Variants in UBR4 observed in about 807,000 individuals in gnomAD.
UBR4 encodes the protein E3 ubiquitin-protein ligase UBR4.
UBR4 carries 124 observed loss-of-function variants against 575.6 expected under a neutral mutation model. The ratio of observed to expected loss-of-function variants is 0.22; its 90% confidence interval spans 0.19 to 0.25. The LOEUF (loss-of-function observed/expected upper bound fraction) is 0.25. Ranked by LOEUF, UBR4 falls within the 10% of genes least tolerant of loss-of-function variation. The probability of loss-of-function intolerance (pLI) is 1.00; values close to 1 mark genes in which losing one functional copy is unlikely to be tolerated. For synonymous variants in UBR4, 2,455 were observed against 2,473.7 expected, an observed-to-expected ratio of 0.99 and a Z score of 0.22; for missense variants, 4,818 against 6,478.8, an observed-to-expected ratio of 0.74 and a Z score of 8.80.
chr1:19,118,801 T>C, intron 71 of UBR4, 71 bp downstream of exon 71: 2 of 1,493,244 alleles, frequency 1.3e-6, no homozygotes, highest in Non-Finnish European at 1.9e-6. Context: ...TGTAAGAGCC[T>C]ATCACCATGC....
Position 19,128,368 on chromosome 1 carries a change from G to A in UBR4, c.9004-50C>T, listed in dbSNP as rs777374098. The A allele has an allele frequency of 6.0e-6, 9 of 1,501,410 alleles. No homozygotes were observed. The Admixed American group carries it at 6.8e-5, about 11-fold the overall frequency. 93.0% of individuals were successfully genotyped at this position (1,501,410 alleles called of 1,614,324 possible). ...AAAACCCAATTTCCTAAAGAAGAAC[G>A]ACTTGAAATACGGGGTGTTTCAGAA... On this transcript the variant is annotated intron_variant, in intron 61 of 105. Coordinates refer to ENST00000375254, the MANE Select transcript of UBR4 (RefSeq NM_020765.3).
rs1423262064 is a variant in UBR4, at chr1:19,105,205, A to G, written c.12504-16T>C. The G allele has an allele frequency of 6.2e-7, 1 of 1,608,070 alleles. No individual in the cohort carries two copies. The highest frequency in any genetic ancestry group is 1.3e-5 in the African/African-American group (1 of 74,320). ...ATCCAGGTAACTGCCACCAAGAGGG[A>G]CAGGGCACTCTAGTCAAGAACTCTA... is the stretch of plus-strand genomic sequence containing the variant. On this transcript the variant is annotated splice_polypyrimidine_tract_variant and intron_variant, in intron 84 of 105. Transcript: ENST00000375254.
intron 1 of UBR4, among the ~76,000 whole-genome samples, chr1:19,207,909 CAAT>C (rs1293230242): frequency 6.6e-6 from 1 of 152,188 alleles, no homozygotes; most frequent in Admixed American, 6.5e-5. Context: ...TGCTTTCACA[CAAT>C]GATGGCAGAG....
At chr1:19,135,490 T>C (rs982398791) in intron 60 of UBR4, among the ~76,000 whole-genome samples, 1 of 152,248 alleles carries the variant, frequency 6.6e-6, no homozygotes, top group African/African-American at 2.4e-5. Flanking sequence ...ACAATTATCT[T>C]CACAATGAGT....
In UBR4 at chr1:19,170,752, G is replaced by T. The variant is rs756288090; in HGVS notation, c.3643+10C>A. The stretch of plus-strand genomic sequence containing the variant: ...AATAATATTACTCAAAAGCACATTT[G>T]TTCTCTTACCCAGAGTATTTGCCTT... On this transcript the variant is annotated intron_variant, in intron 26 of 105. Coordinates refer to ENST00000375254, the MANE Select transcript of UBR4 (RefSeq NM_020765.3). The T allele has an allele frequency of 1.0e-4, 166 of 1,614,030 alleles. No homozygotes were observed. The highest frequency in any genetic ancestry group is 3.7e-5 in the Non-Finnish European group (44 of 1,180,018).
chr1:19,165,412 C>T, intron 30 of UBR4, 63 bp from the exon 31 acceptor site: 2 of 1,402,976 alleles, frequency 1.4e-6, no homozygotes, highest in Middle Eastern at 1.8e-4. Flanking sequence ...AAAAAGCATC[C>T]TTTCTTCACA....
At chr1:19,167,656 T>C (rs749250639) in intron 28 of UBR4, among the ~76,000 whole-genome samples, 25 of 152,192 alleles carry the variant, frequency 1.6e-4, no homozygotes, top group Non-Finnish European at 3.1e-4. Context: ...CAATAGTCCC[T>C]CCATTGGCCT....
intron 1 of UBR4, among the ~76,000 whole-genome samples, chr1:19,208,940 T>G (rs186838943): frequency 6.4e-4 from 97 of 152,342 alleles, no homozygotes; most frequent in Non-Finnish European, 1.2e-3. Flanking sequence ...GTTTACATCT[T>G]CAGAACATTC....
At position 19,148,678 on chromosome 1, in the gene UBR4, C is replaced by T. The variant is rs755339199; in HGVS notation, c.7431-52G>A. The T allele has an allele frequency of 2.0e-5, 32 of 1,601,454 alleles. No individual in the cohort carries two copies. The East Asian group carries it at 5.1e-4, about 26-fold the overall frequency. ...GTACAACACCGTTCTCTCCGCCTTG[C>T]GCTTTAGCCTAAGCAAACTATAGTC... On this transcript the variant is annotated intron_variant, in intron 49 of 105. Coordinates refer to ENST00000375254, the MANE Select transcript of UBR4 (RefSeq NM_020765.3).
Position 19,114,847 on chromosome 1 carries a change from T to G in UBR4, c.11166A>C (p.Ala3722=), listed in dbSNP as rs762051769. ...DFMLYAKPCC[A]VDPIENEEDR... ...CTTCTTCATTCTCAATGGGATCCAC[T>G]GCACAGCAAGGCTTGGCATAGAGCA... Residue 3722 remains alanine, a synonymous_variant, in exon 75 of 106, where the codon GCA becomes GCC. Transcript: ENST00000375254. 6.2e-7 allele frequency: 1 copy of G among 1,614,214 alleles called. No homozygotes were observed. Among genetic ancestry groups the G allele is most frequent in the Admixed American group, 1.7e-5 (1 of 60,024 alleles).
intron 14 of UBR4, among the ~76,000 whole-genome samples, chr1:19,185,605 G>T (rs539188467): frequency 7.3e-6 from 1 of 136,882 alleles, no homozygotes; most frequent in Admixed American, 8.2e-5. Context: ...AGGGAGTCTC[G>T]CTCTGTCACC....
chr1:19,139,281 A>C lies in UBR4; in HGVS notation c.8594-61T>G, dbSNP rs764199989. On this transcript the variant is annotated intron_variant, in intron 58 of 105. Transcript: ENST00000375254. The surrounding 1 kb of genome is among the most constrained non-coding windows in gnomAD (Gnocchi z 4.2). ...ACAAACAAACAAACAAACAAACAAA[A>C]AACAAAAAAAACCCCTCCTTGGGAT... The C allele has an allele frequency of 2.0e-4, 308 of 1,528,640 alleles. No individual in the cohort carries two copies. Among genetic ancestry groups the C allele is most frequent in the Non-Finnish European group, 2.5e-4 (288 of 1,132,862 alleles). The allele number at this position is 1,528,640 out of a possible 1,614,324, so 94.7% of individuals were successfully genotyped here.
In UBR4 at chr1:19,155,344, CA is replaced by C; in HGVS notation, c.6300+96del. The C allele has an allele frequency of 2.3e-6, 3 of 1,297,460 alleles. No individual in the cohort carries two copies. The South Asian group carries it at 4.4e-5, about 19-fold the overall frequency. The allele number at this position is 1,297,460 out of a possible 1,614,324, so 80.4% of individuals were successfully genotyped here. A position where few individuals can be genotyped will look rare whatever the true frequency, so the allele number is the denominator to read the frequency against. On this transcript the variant is annotated intron_variant, in intron 43 of 105. Transcript: ENST00000375254. ...AAAAAAGATCCAGTTAGATGAAGTC[CA>C]CAGAAAAATGTTATAAAAGAACAAA...
intron 18 of UBR4, 66 bp from the exon 19 acceptor site, chr1:19,177,809 A>C: frequency 1.3e-6 from 2 of 1,509,086 alleles, no homozygotes; most frequent in Non-Finnish European, 1.8e-6. Flanking sequence ...TTATAATGTC[A>C]AGCACTAGAA....
In UBR4 at chr1:19,182,288, G is replaced by A. The variant is rs151313669; in HGVS notation, c.2184+1523C>T. Among the ~76,000 whole-genome samples the A allele has an allele frequency of 1.0e-3, 153 of 152,180 alleles. 1 individual carries two copies. Among genetic ancestry groups the A allele is most frequent in the African/African-American group, 3.5e-3 (144 of 41,504 alleles). On this transcript the variant is annotated intron_variant, in intron 17 of 105. Transcript: ENST00000375254. ...GTGGATAAACACCTGTTCAAGCCCC[G>A]GCTTTCATTTCTTCTGGGGTATATA...
At chr1:19,151,501 T>C (rs745946403) in intron 48 of UBR4, 142 bp downstream of exon 48, 14 of 876,852 alleles carry the variant, frequency 1.6e-5, no homozygotes, top group Non-Finnish European at 2.2e-5. Flanking sequence ...ATACATCAAA[T>C]GAAGCTCAAA....
intron 49 of UBR4, 108 bp downstream of exon 49, chr1:19,150,469 G>A: frequency 4.7e-6 from 6 of 1,286,168 alleles, no homozygotes; most frequent in Non-Finnish European, 6.6e-6. Flanking sequence ...AAAAATTCCA[G>A]GCTAGCCTTG....
In UBR4 at chr1:19,176,723, T is replaced by C; in HGVS notation, c.2642A>G (p.Gln881Arg). ...AAAGGGAGGACTTAGCAGGTTATGC[T>C]GTACCTTTTAAAACACAAATACTGA... ...KAPVYLFEQV[Q>R]HNLLSPPFGW... Residue 881 changes from glutamine (Q) to arginine (R), a missense_variant, in exon 20 of 106, where the codon CAG (glutamine) becomes CGG (arginine). By Grantham distance (43) the Gln-to-Arg change is conservative. This residue lies in a region of UBR4 where 1,172 missense variants were observed against 1,259.7 expected (regional missense o/e 0.93). Transcript: ENST00000375254. 1 of 1,613,320 alleles carries C rather than the reference T, an allele frequency of 6.2e-7. No homozygotes were observed.
intron 2 of UBR4, among the ~76,000 whole-genome samples, chr1:19,200,453 T>G (rs1473830212): frequency 6.6e-6 from 1 of 152,090 alleles, no homozygotes; most frequent in Non-Finnish European, 1.5e-5. Context: ...TCAGGCATAG[T>G]GGCTCACACC....
Sources: allele counts gnomAD v4.1 joint callset (sites outside exome capture counted in the v4.1 genomes callset), GRCh38; gene constraint gnomAD v4.1.1; regional missense constraint gnomAD v4.1.1; non-coding constraint Gnocchi (gnomAD v3.1); transcripts MANE v1.5; gene names NCBI Gene and HGNC (gene_info 2026-07-23, HGNC 2026-07-21).